The following ATP8A2 variants were observed in gnomAD, a reference collection of about 807,000 sequenced individuals.
ATP8A2 encodes ATPase phospholipid transporting 8A2, also known as phospholipid-transporting ATPase IB.
In ATP8A2, 100 loss-of-function variants were observed where a neutral mutation model predicts 165.6. The ratio of observed to expected loss-of-function variants is 0.60; its 90% confidence interval spans 0.51 to 0.71. The LOEUF (loss-of-function observed/expected upper bound fraction) is 0.71, where lower values mean the gene tolerates loss of function less well. Ranked by LOEUF, ATP8A2 falls within the 30% of genes least tolerant of loss-of-function variation. ATP8A2 has a pLI of 0.00. For synonymous variants in ATP8A2, 543 were observed against 548.8 expected, an observed-to-expected ratio of 0.99 and a Z score of 0.15; for missense variants, 1,227 against 1,479.5, an observed-to-expected ratio of 0.83 and a Z score of 2.80.
At chr13:25,703,329 C>T (rs528518372) in intron 25 of ATP8A2, among the ~76,000 whole-genome samples, 20 of 152,262 alleles carry the variant, frequency 1.3e-4, no homozygotes, top group Admixed American at 5.9e-4. Flanking sequence ...CTGCCCACCT[C>T]GGCCTCCCAA....
chr13:25,559,783 C>T lies in ATP8A2; in HGVS notation c.1397+18C>T, dbSNP rs768284303. 1.7e-5 allele frequency: 26 copies of T among 1,574,358 alleles called. No individual in the cohort carries two copies. The highest frequency in any genetic ancestry group is 2.2e-5 in the Non-Finnish European group (25 of 1,144,934). On this transcript the variant is annotated intron_variant, in intron 15 of 36. Transcript: ENST00000381655. ...GACTTCTGGTAAGTAGATTCTAGCA[C>T]TTCTTGACACTTTAGTGGAAAAGCT... is the stretch of plus-strand genomic sequence containing the variant.
At chr13:25,811,279 C>T (rs1950861171) in intron 27 of ATP8A2, among the ~76,000 whole-genome samples, 1 of 151,956 alleles carries the variant, frequency 6.6e-6, no homozygotes, top group African/African-American at 2.4e-5. Flanking sequence ...CAGAAAAATG[C>T]TAAATATAAT....
intron 27 of ATP8A2, among the ~76,000 whole-genome samples, chr13:25,793,809 T>A (rs963157278): frequency 6.6e-6 from 1 of 152,160 alleles, no homozygotes; most frequent in Non-Finnish European, 1.5e-5. Context: ...AAATTCAGGA[T>A]TTTTCTGATG....
chr13:25,455,965 A>G (rs2035353842), intron 1 of ATP8A2, among the ~76,000 whole-genome samples: 1 of 152,206 alleles, frequency 6.6e-6, no homozygotes, highest in South Asian at 2.1e-4. Flanking sequence ...GCAGGGAAGC[A>G]GAGCTAGGAA....
intron 33 of ATP8A2, among the ~76,000 whole-genome samples, chr13:25,896,832 T>C (rs1953568243): frequency 6.6e-6 from 1 of 152,182 alleles, no homozygotes; most frequent in South Asian, 2.1e-4. Flanking sequence ...TAAAGTCTGT[T>C]TTATCAGAGA....
intron 25 of ATP8A2, among the ~76,000 whole-genome samples, chr13:25,762,724 G>A (rs1001262259): frequency 2.0e-5 from 3 of 152,170 alleles, no homozygotes; most frequent in Non-Finnish European, 4.4e-5. Flanking sequence ...TTGGAGAAGG[G>A]TGAGGAAAGG....
chr13:25,628,088 G>C (rs1421222010), intron 24 of ATP8A2, among the ~76,000 whole-genome samples: 2 of 152,258 alleles, frequency 1.3e-5, no homozygotes, highest in African/African-American at 4.8e-5. Context: ...CCACTTTACT[G>C]TTTAATGGTG....
At chr13:25,954,166 T>C (rs1223036720) in intron 33 of ATP8A2, among the ~76,000 whole-genome samples, 1 of 152,108 alleles carries the variant, frequency 6.6e-6, no homozygotes, top group East Asian at 1.9e-4. Flanking sequence ...TCGAGCTTGG[T>C]TAGGGGAGGT....
chr13:25,688,958 C>T (rs970866110), intron 24 of ATP8A2, among the ~76,000 whole-genome samples: 3 of 152,248 alleles, frequency 2.0e-5, no homozygotes, highest in African/African-American at 7.2e-5. Flanking sequence ...TCTTCCTTCA[C>T]TATTTCTCTT....
At chr13:25,787,972 T>C (rs115042512) in intron 27 of ATP8A2, among the ~76,000 whole-genome samples, 1 of 152,188 alleles carries the variant, frequency 6.6e-6, no homozygotes, top group East Asian at 1.9e-4. Context: ...ACAGAAGAAA[T>C]GCCAGGACCC....
intron 33 of ATP8A2, among the ~76,000 whole-genome samples, chr13:25,864,128 T>C (rs896193041): frequency 6.6e-6 from 1 of 152,212 alleles, no homozygotes; most frequent in Non-Finnish European, 1.5e-5. Flanking sequence ...TTCCTTCTGG[T>C]TCAGGATGGA....
At chr13:25,373,251 GC>G (rs1249121362) in intron 1 of ATP8A2, among the ~76,000 whole-genome samples, 1 of 152,136 alleles carries the variant, frequency 6.6e-6, no homozygotes, top group Non-Finnish European at 1.5e-5. Context: ...TTGTCTTCGT[GC>G]TTTTTTATTT....
chr13:25,691,513 G>A (rs1040965), intron 24 of ATP8A2, among the ~76,000 whole-genome samples: 74,556 of 152,092 alleles, frequency 0.49, 19,083 homozygotes, highest in Middle Eastern at 0.57. Flanking sequence ...GATGGCCAGT[G>A]TAGAGAAATA....
intron 30 of ATP8A2, among the ~76,000 whole-genome samples, chr13:25,848,498 GC>G (rs1323959035): frequency 6.6e-6 from 1 of 152,208 alleles, no homozygotes; most frequent in Non-Finnish European, 1.5e-5. Context: ...GACTGCCTGG[GC>G]ATTGGCAATC....
At chr13:25,904,409 A>G (rs1465663904) in intron 33 of ATP8A2, among the ~76,000 whole-genome samples, 1 of 152,148 alleles carries the variant, frequency 6.6e-6, no homozygotes, top group Non-Finnish European at 1.5e-5. Flanking sequence ...CCGTTTCCTC[A>G]TAGAATCATG....
At chr13:25,863,619 C>G (rs1294856987) in intron 33 of ATP8A2, 2 of 152,254 alleles carry the variant, frequency 1.3e-5, no homozygotes, top group African/African-American at 4.8e-5. Context: ...GCTTTACTTA[C>G]TCTGTAGAAA....
chr13:25,693,117 T>G (rs1316936760), intron 24 of ATP8A2, among the ~76,000 whole-genome samples: 1 of 152,206 alleles, frequency 6.6e-6, no homozygotes, highest in Non-Finnish European at 1.5e-5. Flanking sequence ...GTATAAATTT[T>G]AGCAACTGGA....
At chr13:25,410,010 G>GCGA (rs2033919888) in intron 1 of ATP8A2, among the ~76,000 whole-genome samples, 1 of 150,984 alleles carries the variant, frequency 6.6e-6, no homozygotes, top group African/African-American at 2.4e-5. Flanking sequence ...ATTTTTGTAT[G>GCGA]TGTATTCAGA....
At chr13:25,939,149 T>A (rs906929076) in intron 33 of ATP8A2, among the ~76,000 whole-genome samples, 1 of 152,184 alleles carries the variant, frequency 6.6e-6, no homozygotes. Flanking sequence ...GGCCTTCTCC[T>A]TTCCTTTGAT....
Sources: allele counts gnomAD v4.1 joint callset (sites outside exome capture counted in the v4.1 genomes callset), GRCh38; gene constraint gnomAD v4.1.1; transcripts MANE v1.5; gene names NCBI Gene and HGNC (gene_info 2026-07-23, HGNC 2026-07-21).